THSD7B: variants seen among roughly 807,000 people sequenced by gnomAD.
THSD7B encodes thrombospondin type-1 domain-containing protein 7B.
Under a neutral mutation model 213.6 loss-of-function variants are expected in THSD7B, and 138 were observed. The observed-to-expected ratio is 0.65, with a 90% confidence interval of 0.56 to 0.74. THSD7B has a LOEUF of 0.74. Among genes scored for constraint, THSD7B ranks in the 30% least tolerant of loss-of-function variants. The pLI, the probability that THSD7B is intolerant of heterozygous loss-of-function variation, is 0.00. For missense variants in THSD7B, 1,931 were observed against 1,991.5 expected, an observed-to-expected ratio of 0.97 and a Z score of 0.58; for synonymous variants, 742 against 687.0, an observed-to-expected ratio of 1.08 and a Z score of -1.25.
chr2:137,568,902 G>A (rs1302919118), intron 16 of THSD7B, among the ~76,000 whole-genome samples: 1 of 152,190 alleles, frequency 6.6e-6, no homozygotes, highest in African/African-American at 2.4e-5. Context: ...AGAGAGAATG[G>A]TGGCCCCCAA....
chr2:137,117,866 C>G (rs1031749758), intron 5 of THSD7B, among the ~76,000 whole-genome samples: 4 of 152,162 alleles, frequency 2.6e-5, no homozygotes, highest in Non-Finnish European at 4.4e-5. Flanking sequence ...TTGGCCTAGG[C>G]TGGATGCTGA....
chr2:136,832,774 C>A (rs1170674238), intron 1 of THSD7B, among the ~76,000 whole-genome samples: 1 of 152,142 alleles, frequency 6.6e-6, no homozygotes, highest in Non-Finnish European at 1.5e-5. Flanking sequence ...ATCAATATCC[C>A]CATTTTATAG....
intron 24 of THSD7B, among the ~76,000 whole-genome samples, chr2:137,657,932 C>T (rs375788617): frequency 1.8e-4 from 27 of 152,056 alleles, no homozygotes; most frequent in Middle Eastern, 3.2e-3. Flanking sequence ...AGGATGGTCT[C>T]GATCTCTTGA....
chr2:136,861,255 T>C (rs972755741), intron 1 of THSD7B, among the ~76,000 whole-genome samples: 1 of 152,226 alleles, frequency 6.6e-6, no homozygotes, highest in African/African-American at 2.4e-5. Context: ...TTTTAGGGTC[T>C]CATTATTTAG....
At chr2:137,340,646 T>C (rs1684742328) in intron 12 of THSD7B, among the ~76,000 whole-genome samples, 1 of 151,880 alleles carries the variant, frequency 6.6e-6, no homozygotes, top group South Asian at 2.1e-4. Context: ...TCAATTGTTT[T>C]AGATTCCATG....
chr2:137,307,373 T>C (rs1683776910), intron 12 of THSD7B, among the ~76,000 whole-genome samples: 1 of 151,952 alleles, frequency 6.6e-6, no homozygotes, highest in South Asian at 2.1e-4. Context: ...CATTCTGTGG[T>C]GACACATGGG....
At chr2:137,656,750 CA>C in intron 22 of THSD7B, 45 bp from the exon 23 acceptor site, 4 of 1,564,650 alleles carry the variant, frequency 2.6e-6, no homozygotes, top group Non-Finnish European at 3.5e-6. Context: ...TGTCCAGTGC[CA>C]CTTTTCATGC....
chr2:136,828,053 C>A (rs1438859337), intron 1 of THSD7B, among the ~76,000 whole-genome samples: 9 of 152,004 alleles, frequency 5.9e-5, no homozygotes, highest in Non-Finnish European at 1.3e-4. Context: ...AAGATGCTGA[C>A]AGGTGAGTGA....
intron 2 of THSD7B, among the ~76,000 whole-genome samples, chr2:136,982,532 A>G (rs1225523464): frequency 6.6e-6 from 1 of 152,144 alleles, no homozygotes; most frequent in East Asian, 1.9e-4. Context: ...GATGTGGGTA[A>G]TGATGTTATC....
At chr2:136,916,233 T>G (rs1482015364) in intron 2 of THSD7B, among the ~76,000 whole-genome samples, 2 of 152,206 alleles carry the variant, frequency 1.3e-5, no homozygotes, top group African/African-American at 4.8e-5. Flanking sequence ...TTATCTGTGG[T>G]CTGTGGGGAA....
At chr2:137,305,989 A>G (rs1294762287) in intron 12 of THSD7B, among the ~76,000 whole-genome samples, 1 of 152,160 alleles carries the variant, frequency 6.6e-6, no homozygotes, top group Non-Finnish European at 1.5e-5. Context: ...GTACAATAAA[A>G]TATAGTACAA....
chr2:136,787,564 T>A (rs1449804853), intron 1 of THSD7B, among the ~76,000 whole-genome samples: 1 of 152,144 alleles, frequency 6.6e-6, no homozygotes, highest in Non-Finnish European at 1.5e-5. Context: ...TCCCTGGTCT[T>A]TTTGTCCCTT....
intron 12 of THSD7B, among the ~76,000 whole-genome samples, chr2:137,404,464 TATATATATATACACACAC>T (rs1387280276): frequency 1.3e-5 from 1 of 74,368 alleles, no homozygotes; most frequent in African/African-American, 4.6e-5. Context: ...TATATATATA[TATATATATATACACACAC>T]ACACACACAC....
chr2:137,174,159 A>G (rs2104998439), intron 7 of THSD7B, among the ~76,000 whole-genome samples: 1 of 152,256 alleles, frequency 6.6e-6, no homozygotes, highest in Non-Finnish European at 1.5e-5. Flanking sequence ...CTTGTTTACC[A>G]TTTTTAGGCT....
At chr2:136,832,773 C>T (rs1682776865) in intron 1 of THSD7B, among the ~76,000 whole-genome samples, 1 of 152,104 alleles carries the variant, frequency 6.6e-6, no homozygotes, top group South Asian at 2.1e-4. Context: ...TATCAATATC[C>T]CCATTTTATA....
intron 2 of THSD7B, among the ~76,000 whole-genome samples, chr2:137,024,428 G>A (rs187823175): frequency 1.3e-5 from 2 of 152,100 alleles, no homozygotes; most frequent in Non-Finnish European, 2.9e-5. Context: ...CTTCGCTGAG[G>A]ATAGTACGTT....
At chr2:136,792,833 C>T (rs773076833) in intron 1 of THSD7B, among the ~76,000 whole-genome samples, 1 of 151,986 alleles carries the variant, frequency 6.6e-6, no homozygotes, top group Non-Finnish European at 1.5e-5. Flanking sequence ...GAAATGGAAT[C>T]ATACAAATAC....
At chr2:137,516,484 G>A (rs144279502) in intron 15 of THSD7B, among the ~76,000 whole-genome samples, 10 of 152,274 alleles carry the variant, frequency 6.6e-5, no homozygotes, top group Non-Finnish European at 1.3e-4. Context: ...TAACTGCACT[G>A]GGGAAAGGAA....
intron 1 of THSD7B, among the ~76,000 whole-genome samples, chr2:136,810,260 G>C (rs760520732): frequency 3.5e-4 from 54 of 152,324 alleles, no homozygotes; most frequent in Middle Eastern, 3.4e-3. Context: ...TTTCCAGAGA[G>C]TAGTCTTTCA....
Sources: allele counts gnomAD v4.1 joint callset (sites outside exome capture counted in the v4.1 genomes callset), GRCh38; gene constraint gnomAD v4.1.1; transcripts MANE v1.5; gene names NCBI Gene and HGNC (gene_info 2026-07-23, HGNC 2026-07-21).